The following PPM1A variants were observed in gnomAD, a reference collection of about 807,000 sequenced individuals.
PPM1A encodes the protein protein phosphatase, Mg2+/Mn2+ dependent 1A.
Under a neutral mutation model 35.0 loss-of-function variants are expected in PPM1A, and 7 were observed. The observed-to-expected ratio is 0.20, with a 90% CI of 0.11 to 0.38. The LOEUF is 0.38. Among genes scored for constraint, PPM1A ranks in the 10% least tolerant of loss-of-function variants. PPM1A has a pLI of 1.00. For synonymous variants in PPM1A, 153 were observed against 167.3 expected (o/e 0.91, Z 0.66); for missense variants, 239 against 467.8 (o/e 0.51, Z 4.51).
chr14:60,268,292 G>C, intron 1 of PPM1A: 1 of 983,804 alleles, frequency 1.0e-6, no homozygotes, highest in South Asian at 4.7e-5. Flanking sequence ...TATTGTTCCA[G>C]GTTTCTGGTC....
chr14:60,261,908 G>A (rs1382673478), intron 1 of PPM1A, among the ~76,000 whole-genome samples: 1 of 152,196 alleles, frequency 6.6e-6, no homozygotes, highest in Non-Finnish European at 1.5e-5. Flanking sequence ...AAGCAGACTG[G>A]AATTTAGGGG....
intron 1 of PPM1A, among the ~76,000 whole-genome samples, chr14:60,258,402 TAATA>T (rs776713310): frequency 6.6e-6 from 1 of 152,120 alleles, no homozygotes; most frequent in African/African-American, 2.4e-5. Flanking sequence ...ATGAGCAGAT[TAATA>T]AATAAATAGC....
chr14:60,254,319 T>C (rs1328687069), intron 1 of PPM1A, among the ~76,000 whole-genome samples: 2 of 152,174 alleles, frequency 1.3e-5, no homozygotes, highest in Non-Finnish European at 2.9e-5. Context: ...TTTATTTGGC[T>C]CTGCAAAGCT....
chr14:60,246,924 C>T (rs1324847137), upstream of PPM1A, among the ~76,000 whole-genome samples: 1 of 152,152 alleles, frequency 6.6e-6, no homozygotes, highest in African/African-American at 2.4e-5. Flanking sequence ...GACCCAGATT[C>T]TCCAAGTGCA....
At chr14:60,266,785 T>C (rs1045451123) in intron 1 of PPM1A, among the ~76,000 whole-genome samples, 15 of 152,170 alleles carry the variant, frequency 9.9e-5, no homozygotes, top group African/African-American at 3.4e-4. Flanking sequence ...TTCACATTTA[T>C]TCATATATAT....
intron 1 of PPM1A, among the ~76,000 whole-genome samples, chr14:60,260,055 C>A (rs1883567467): frequency 6.6e-6 from 1 of 152,082 alleles, no homozygotes. Flanking sequence ...CTGCCATTAT[C>A]TGTGCAAACT....
Position 60,280,041 on chromosome 14 carries a change from G to A in PPM1A, c.-20-2643G>A, listed in dbSNP as rs150584939. Among the ~76,000 whole-genome samples the A allele has an allele frequency of 7.2e-3, 1,088 of 151,798 alleles. 16 individuals carry two copies. The highest frequency in any genetic ancestry group is 0.024 in the African/African-American group (1,010 of 41,382). On this transcript the variant is annotated intron_variant, in intron 1 of 5. Coordinates refer to ENST00000395076, the MANE Select transcript of PPM1A (RefSeq NM_021003.5). ...TTTTGAGACGGAGTCTCGCTCTATC[G>A]CCCAGGCTGGAGTGCAGTGATGTGA...
chr14:60,252,649 G>T (rs1171474406), intron 1 of PPM1A, among the ~76,000 whole-genome samples: 1 of 152,146 alleles, frequency 6.6e-6, no homozygotes, highest in Non-Finnish European at 1.5e-5. Flanking sequence ...AGTTGTGTTT[G>T]TTATTTTGCT....
In PPM1A at chr14:60,285,358, T is replaced by A. The variant is rs190938565; in HGVS notation, c.835-266T>A. On this transcript the variant is annotated intron_variant, in intron 2 of 5. Transcript: ENST00000395076. ...TATTGTTTTATAGAATTATAAAAAA[T>A]TATTATTACAGTGAGATTAACCTGT... 2.6e-3 allele frequency among the ~76,000 whole-genome samples: 392 copies of A among 152,316 alleles called. 3 individuals carry two copies. Among genetic ancestry groups the A allele is most frequent in the Non-Finnish European group, 3.2e-3 (216 of 68,026 alleles).
At chr14:60,277,366 G>T (rs1439021626) in intron 1 of PPM1A, 4 of 152,090 alleles carry the variant, frequency 2.6e-5, no homozygotes, top group African/African-American at 9.7e-5. Context: ...ACCCAAGGAG[G>T]TAAGATTTTT....
rs967311193 is a variant in PPM1A at position 60,298,969 on chromosome 14, A to G, written c.*6487A>G. 2.0e-5 allele frequency: 3 copies of G among 151,862 alleles called. No individual in the cohort carries two copies. Among genetic ancestry groups the G allele is most frequent in the Admixed American group, 6.6e-5 (1 of 15,234 alleles). The allele number at this position is 151,862 out of a possible 1,614,324, so 9.4% of individuals were successfully genotyped here. On this transcript the variant is annotated 3_prime_UTR_variant, in exon 6 of 6. Transcript: ENST00000395076. ...TTTAAGAATGTACTGTTTGTTTTCA[A>G]GTTCATTGAAAAATTGCATTCAGCC...
At chr14:60,248,460 C>T (rs7359084), upstream of PPM1A, among the ~76,000 whole-genome samples, 298 of 152,334 alleles carry the variant, frequency 2.0e-3, 1 homozygote, top group African/African-American at 6.7e-3. Flanking sequence ...GTGCCCCGTG[C>T]GTGAATCAGT....
At chr14:60,245,764 T>G (rs1391160438), upstream of PPM1A, 2 of 1,232,518 alleles carry the variant, frequency 1.6e-6, no homozygotes, top group African/African-American at 1.5e-5. The surrounding 1 kb of genome is among the most constrained non-coding windows in gnomAD (Gnocchi z 4.2). Flanking sequence ...TGTATTATGA[T>G]GTAGGGGAGG....
At position 60,289,386 on chromosome 14, in the gene PPM1A, A is replaced by C. The variant is rs1414760548; in HGVS notation, c.953-420A>C. On this transcript the variant is annotated intron_variant, in intron 3 of 5. Coordinates refer to ENST00000395076, the MANE Select transcript of PPM1A (RefSeq NM_021003.5). The surrounding 1 kb of genome is among the most constrained non-coding windows in gnomAD (Gnocchi z 4.1). ...CCTATAATTAAGGGTTGTTATTTTC[A>C]AATCTTGAAATTGTTTATTTTTTAA... is the stretch of plus-strand genomic sequence containing the variant. 6.6e-6 allele frequency among the ~76,000 whole-genome samples: 1 copy of C among 152,114 alleles called. No individual in the cohort carries two copies. Among genetic ancestry groups the C allele is most frequent in the Non-Finnish European group, 1.5e-5 (1 of 67,986 alleles).
At chr14:60,264,772 T>A (rs1355333799) in intron 1 of PPM1A, among the ~76,000 whole-genome samples, 1 of 152,214 alleles carries the variant, frequency 6.6e-6, no homozygotes, top group Non-Finnish European at 1.5e-5. Flanking sequence ...TTTGTCCAGC[T>A]AGAGTTTATG....
chr14:60,249,398 C>T lies in PPM1A; in HGVS notation c.-300C>T. 1 of 984,534 alleles carries T rather than the reference C, an allele frequency of 1.0e-6. No individual in the cohort carries two copies. Among genetic ancestry groups the T allele is most frequent in the Non-Finnish European group, 1.2e-6 (1 of 829,652 alleles). The allele number at this position is 984,534 out of a possible 1,614,324, so 61.0% of individuals were successfully genotyped here. On this transcript the variant is annotated 5_prime_UTR_variant, in exon 1 of 6. Coordinates refer to ENST00000395076, the MANE Select transcript of PPM1A (RefSeq NM_021003.5). The surrounding 1 kb of genome is among the most constrained non-coding windows in gnomAD (Gnocchi z 4.5). ...ACTCTAGACAGCTGAGGCGCGAAAG[C>T]GATGAGTCCTCGGCTCTTCCTCCTC...
At chr14:60,276,275 C>A (rs953518555) in intron 1 of PPM1A, among the ~76,000 whole-genome samples, 3 of 152,174 alleles carry the variant, frequency 2.0e-5, no homozygotes, top group African/African-American at 7.2e-5. Flanking sequence ...GTGACCTGTG[C>A]TGTTTGTTAA....
intron 1 of PPM1A, among the ~76,000 whole-genome samples, chr14:60,272,918 C>T (rs1485511662): frequency 6.6e-6 from 1 of 151,952 alleles, no homozygotes; most frequent in Non-Finnish European, 1.5e-5. Flanking sequence ...ATGTTTTTGT[C>T]TAGAACCTTG....
At chr14:60,275,252 A>G (rs1292947654) in intron 1 of PPM1A, among the ~76,000 whole-genome samples, 1 of 151,396 alleles carries the variant, frequency 6.6e-6, no homozygotes, top group Non-Finnish European at 1.5e-5. Context: ...TCATTACCTC[A>G]TTTGCAAGGA....
Sources: gnomAD v4.1 joint callset for allele counts (sites outside exome capture counted in the v4.1 genomes callset) on GRCh38, gnomAD v4.1.1 for gene constraint, Gnocchi (gnomAD v3.1) non-coding constraint, MANE v1.5 for transcripts, NCBI Gene and HGNC (gene_info 2026-07-23, HGNC 2026-07-21) for gene names.